CDK6: variants seen among roughly 807,000 people sequenced by gnomAD.
CDK6 encodes cyclin-dependent kinase 6.
Under a neutral mutation model 37.1 loss-of-function variants are expected in CDK6, and 6 were observed. The ratio of observed to expected loss-of-function variants is 0.16; its 90% CI spans 0.09 to 0.32. The LOEUF is 0.32. Among genes scored for constraint, CDK6 ranks in the 10% least tolerant of loss-of-function variants. The pLI is 1.00. For synonymous variants in CDK6, 160 were observed against 161.3 expected, an observed-to-expected ratio of 0.99 and a Z score of 0.06; for missense variants, 224 against 418.9, an observed-to-expected ratio of 0.53 and a Z score of 4.06.
Position 92,632,498 on chromosome 7 carries a change from C to T in CDK6, c.648-9412G>A, listed in dbSNP as rs552042618. On this transcript the variant is annotated intron_variant, in intron 5 of 7. Coordinates refer to ENST00000424848, the MANE Select transcript of CDK6 (RefSeq NM_001145306.2). ...AATGTGCTCAACATATAAATAAGGG[C>T]TCTGGCCCTTGAATGTCAGTGATGT... Among the ~76,000 whole-genome samples, 216 of 152,232 alleles carry T rather than the reference C, an allele frequency of 1.4e-3. 2 individuals are homozygous for T. Among genetic ancestry groups the T allele is most frequent in the African/African-American group, 4.9e-3 (202 of 41,550 alleles).
At chr7:92,781,345 T>C (rs1799986761) in intron 2 of CDK6, among the ~76,000 whole-genome samples, 1 of 152,278 alleles carries the variant, frequency 6.6e-6, no homozygotes, top group Non-Finnish European at 1.5e-5. Flanking sequence ...GTCCTAGTGA[T>C]GTAATTATCT....
At chr7:92,778,091 GA>G (rs111812139) in intron 2 of CDK6, among the ~76,000 whole-genome samples, 15 of 142,212 alleles carry the variant, frequency 1.1e-4, no homozygotes, top group Admixed American at 2.1e-4. Context: ...TAAAGGAAAC[GA>G]AAAAAAAAAA....
chr7:92,758,697 C>T (rs1214453926), intron 3 of CDK6, among the ~76,000 whole-genome samples: 2 of 152,106 alleles, frequency 1.3e-5, no homozygotes, highest in East Asian at 1.9e-4. Flanking sequence ...TTAATAGGAA[C>T]AGCATTGATT....
chr7:92,616,314 A>G (rs1321143897), intron 7 of CDK6, among the ~76,000 whole-genome samples: 1 of 152,126 alleles, frequency 6.6e-6, no homozygotes, highest in Admixed American at 6.5e-5. Context: ...TGGATTAGGG[A>G]CCTCTCTAAT....
At chr7:92,776,706 C>G (rs1799860024) in intron 2 of CDK6, among the ~76,000 whole-genome samples, 1 of 152,106 alleles carries the variant, frequency 6.6e-6, no homozygotes, top group African/African-American at 2.4e-5. Flanking sequence ...TCATAAATGT[C>G]TTCTTTTGAG....
intron 2 of CDK6, among the ~76,000 whole-genome samples, chr7:92,800,859 A>G (rs894878276): frequency 1.3e-5 from 2 of 152,216 alleles, no homozygotes; most frequent in African/African-American, 4.8e-5. Context: ...ACTCTGAGGA[A>G]ACCTAAGAAC....
intron 4 of CDK6, among the ~76,000 whole-genome samples, chr7:92,716,197 T>G (rs925155828): frequency 1.3e-5 from 2 of 152,142 alleles, no homozygotes; most frequent in African/African-American, 4.8e-5. Flanking sequence ...GAATGCAGAG[T>G]AGGAAATCCA....
Position 92,671,443 on chromosome 7 carries a change from T to C in CDK6, c.630A>G (p.Ala210=), listed in dbSNP as rs2116602637. Residue 210 remains alanine, a synonymous_variant, in exon 5 of 8, where the codon GCA becomes GCG. Transcript: ENST00000424848. ...TTTCTTACTTTCTACGAAACATTTC[T>C]GCAAATATGCAGCCAACACTCCAGA... The part of the protein sequence containing the change: ...VDLWSVGCIF[A]EMFRRKPLFR... 6.4e-7 allele frequency: 1 copy of C among 1,564,136 alleles called. No homozygotes were observed. Among genetic ancestry groups the C allele is most frequent in the Non-Finnish European group, 8.6e-7 (1 of 1,156,560 alleles).
At chr7:92,666,618 A>G (rs1796961072) in intron 5 of CDK6, among the ~76,000 whole-genome samples, 1 of 152,186 alleles carries the variant, frequency 6.6e-6, no homozygotes, top group Admixed American at 6.5e-5. Flanking sequence ...AATGAACCAC[A>G]TATGTGAGGG....
chr7:92,751,769 T>C lies in CDK6; in HGVS notation c.369+22927A>G, dbSNP rs899121386. Among the ~76,000 whole-genome samples the C allele has an allele frequency of 5.2e-4, 79 of 152,182 alleles. 1 individual carries two copies. The highest frequency in any genetic ancestry group is 1.9e-4 in the Non-Finnish European group (13 of 68,016). Reference sequence around the variant, plus strand: ...GCCAAAATCTAATGAAAAACTTTTATTTCTGAATCCTATCATTTATACCAT... The same window carrying C: ...GCCAAAATCTAATGAAAAACTTTTACTTCTGAATCCTATCATTTATACCAT... On this transcript the variant is annotated intron_variant, in intron 3 of 7. Transcript: ENST00000424848.
intron 4 of CDK6, chr7:92,701,728 G>A (rs914489945): frequency 7.2e-5 from 11 of 152,376 alleles, no homozygotes; most frequent in Admixed American, 2.0e-4. Flanking sequence ...AATGCTTCAC[G>A]AATTTGCGTG....
intron 4 of CDK6, among the ~76,000 whole-genome samples, chr7:92,703,890 A>T (rs1585413310): frequency 6.6e-6 from 1 of 152,184 alleles, no homozygotes; most frequent in African/African-American, 2.4e-5. Context: ...CACATTTATC[A>T]GGTCCCCCAC....
At chr7:92,832,105 C>G (rs1190907762) in intron 2 of CDK6, among the ~76,000 whole-genome samples, 1 of 152,190 alleles carries the variant, frequency 6.6e-6, no homozygotes, top group Non-Finnish European at 1.5e-5. Context: ...ACCCAATTTG[C>G]AGAAGTTTCT....
At chr7:92,724,729 T>G (rs916380582) in intron 4 of CDK6, among the ~76,000 whole-genome samples, 2 of 152,210 alleles carry the variant, frequency 1.3e-5, no homozygotes, top group African/African-American at 4.8e-5. Context: ...ACGGATTATT[T>G]TTTTTTATTT....
rs555807544 is a variant in CDK6 at position 92,778,803 on chromosome 7, T to C, written c.234-3972A>G. On this transcript the variant is annotated intron_variant, in intron 2 of 7. Transcript: ENST00000424848. ...CCATTTCAGTTGTGTTTCTGAAACATTACTTTAAAAATATTTCCCATTATA... is the reference window on the plus strand; with the variant it reads ...CCATTTCAGTTGTGTTTCTGAAACACTACTTTAAAAATATTTCCCATTATA... Among the ~76,000 whole-genome samples, 6 of 151,802 alleles carry C rather than the reference T, an allele frequency of 4.0e-5. No individual in the cohort carries two copies. The South Asian group carries it at 1.0e-3, about 26-fold the overall frequency.
intron 2 of CDK6, among the ~76,000 whole-genome samples, chr7:92,815,180 G>A (rs760125296): frequency 6.6e-6 from 1 of 152,148 alleles, no homozygotes; most frequent in Non-Finnish European, 1.5e-5. Flanking sequence ...TGCCATCCCT[G>A]TACCTAAGAT....
chr7:92,680,661 G>A (rs145387871), intron 4 of CDK6, among the ~76,000 whole-genome samples: 84 of 152,166 alleles, frequency 5.5e-4, no homozygotes, highest in Admixed American at 1.6e-3. Context: ...CAGCAGAAGG[G>A]CTGTATTTCC....
chr7:92,793,657 A>C (rs1800335511), intron 2 of CDK6, among the ~76,000 whole-genome samples: 1 of 152,184 alleles, frequency 6.6e-6, no homozygotes, highest in East Asian at 1.9e-4. Context: ...CTTAGAAAAA[A>C]ACATAGCAGT....
intron 2 of CDK6, among the ~76,000 whole-genome samples, chr7:92,802,827 C>G (rs1313839473): frequency 1.3e-5 from 2 of 152,176 alleles, no homozygotes; most frequent in Non-Finnish European, 2.9e-5. Context: ...GGGATACTGT[C>G]TTGTGCACTG....
Sources: gnomAD v4.1 joint callset for allele counts (sites outside exome capture counted in the v4.1 genomes callset) on GRCh38, gnomAD v4.1.1 for gene constraint, MANE v1.5 for transcripts, NCBI Gene and HGNC (gene_info 2026-07-23, HGNC 2026-07-21) for gene names.